Variants in SCN10A observed in about 807,000 individuals in gnomAD.
SCN10A encodes the protein sodium channel protein type 10 subunit alpha.
A neutral mutation model predicts 170.7 loss-of-function variants in SCN10A; 162 were observed. That is an observed-to-expected ratio of 0.95 (90% CI 0.84 to 1.08). The LOEUF is 1.08. Ranked by LOEUF, SCN10A falls within the 50% of genes least tolerant of loss-of-function variation. The pLI is 0.00. For synonymous variants in SCN10A, 985 were observed against 904.6 expected (o/e 1.09, Z -1.59); for missense variants, 2,527 against 2,436.9 (o/e 1.04, Z -0.78).
chr3:38,729,863 A>G (rs895758755), intron 15 of SCN10A, among the ~76,000 whole-genome samples: 2 of 152,192 alleles, frequency 1.3e-5, no homozygotes, highest in African/African-American at 2.4e-5. Flanking sequence ...CATATCCGTG[A>G]GTAAATCCCA....
At chr3:38,794,771 A>C (rs1354634449) in intron 1 of SCN10A, among the ~76,000 whole-genome samples, 2 of 152,202 alleles carry the variant, frequency 1.3e-5, no homozygotes, top group Non-Finnish European at 2.9e-5. Context: ...CCTAGTCAGC[A>C]GTTTCTTCTA....
intron 1 of SCN10A, among the ~76,000 whole-genome samples, chr3:38,813,179 C>A (rs2064451409): frequency 6.6e-6 from 1 of 152,154 alleles, no homozygotes; most frequent in Admixed American, 6.5e-5. Context: ...TCCACCTTAT[C>A]TCCCAAAGGA....
At chr3:38,770,037 G>C (rs192901914) in intron 5 of SCN10A, among the ~76,000 whole-genome samples, 1 of 152,220 alleles carries the variant, frequency 6.6e-6, no homozygotes, top group Non-Finnish European at 1.5e-5. Context: ...TTGAATGCTA[G>C]TTATGTTAGC....
At chr3:38,737,792 CCCTT>C (rs1478599163) in intron 15 of SCN10A, among the ~76,000 whole-genome samples, 8 of 119,636 alleles carry the variant, frequency 6.7e-5, no homozygotes, top group Non-Finnish European at 1.1e-4. Context: ...CTCCCTCCCT[CCCTT>C]CCTCTTTCTT....
At chr3:38,805,930 G>T (rs183309062) in intron 1 of SCN10A, among the ~76,000 whole-genome samples, 104 of 152,264 alleles carry the variant, frequency 6.8e-4, no homozygotes, top group Non-Finnish European at 1.0e-3. Flanking sequence ...GTAATTTACA[G>T]GGCGGACGAA....
At chr3:38,736,793 G>A (rs973455109) in intron 15 of SCN10A, among the ~76,000 whole-genome samples, 1 of 151,342 alleles carries the variant, frequency 6.6e-6, no homozygotes, top group Non-Finnish European at 1.5e-5. Context: ...TTAAATCAGC[G>A]AGGTGGGGAC....
Position 38,723,585 on chromosome 3 carries a change from GTC to G in SCN10A, c.3229-34_3229-33del, listed in dbSNP as rs1426885990. ...GGGAGAAGCCCAGGGCAGTGAACTC[GTC>G]TCTCCGCGGGGCCCGGGGAATTGCA... is the stretch of plus-strand genomic sequence containing the variant. On this transcript the variant is annotated intron_variant, in intron 18 of 27. Transcript: ENST00000449082. The G allele has an allele frequency of 3.2e-6, 5 of 1,557,392 alleles. No homozygotes were observed. In the African/African-American group the frequency reaches 6.8e-5, roughly 21 times the overall value.
At chr3:38,752,638 T>C in intron 11 of SCN10A, 126 bp from the exon 12 acceptor site, 1 of 689,312 alleles carries the variant, frequency 1.5e-6, no homozygotes, top group East Asian at 3.2e-5. Context: ...AGTCACTAAG[T>C]AAAGGCACAA....
intron 4 of SCN10A, among the ~76,000 whole-genome samples, chr3:38,775,678 C>T (rs745762687): frequency 5.3e-5 from 8 of 152,258 alleles, no homozygotes; most frequent in Non-Finnish European, 7.4e-5. Context: ...ATGCTGACAA[C>T]TTACTTATTC....
intron 15 of SCN10A, among the ~76,000 whole-genome samples, chr3:38,731,352 A>G (rs1475947427): frequency 6.6e-6 from 1 of 152,222 alleles, no homozygotes; most frequent in Non-Finnish European, 1.5e-5. Flanking sequence ...TACTTCAGGT[A>G]GATAGAAAGT....
chr3:38,760,061 G>T (rs1335362266), intron 8 of SCN10A, among the ~76,000 whole-genome samples: 1 of 152,160 alleles, frequency 6.6e-6, no homozygotes, highest in Non-Finnish European at 1.5e-5. Context: ...TATAATTCTT[G>T]TCTCTATGTA....
chr3:38,779,039 T>G (rs986182424), intron 4 of SCN10A, among the ~76,000 whole-genome samples: 6 of 151,866 alleles, frequency 4.0e-5, no homozygotes, highest in Non-Finnish European at 7.4e-5. Flanking sequence ...TTTGGCAATA[T>G]CTCAAAAATT....
intron 13 of SCN10A, among the ~76,000 whole-genome samples, 162 bp downstream of exon 13, chr3:38,749,911 T>C (rs2063729436): frequency 6.6e-6 from 1 of 152,192 alleles, no homozygotes. Context: ...AAAAACCACA[T>C]TGATAAAAGA....
At chr3:38,705,695 A>G (rs1330094878) in intron 26 of SCN10A, among the ~76,000 whole-genome samples, 1 of 152,152 alleles carries the variant, frequency 6.6e-6, no homozygotes, top group Non-Finnish European at 1.5e-5. Context: ...GGGATGTCAA[A>G]GAGAGATTGA....
At chr3:38,764,471 G>C (rs892406876) in intron 5 of SCN10A, among the ~76,000 whole-genome samples, 2 of 152,052 alleles carry the variant, frequency 1.3e-5, no homozygotes, top group Non-Finnish European at 2.9e-5. Flanking sequence ...CATGATGCTT[G>C]ACTTTCTATT....
Position 38,712,361 on chromosome 3 carries a change from T to A in SCN10A, c.3889A>T (p.Ile1297Phe). The change falls in exon 23 of 28, where the codon ATC becomes TTC. Residue 1297 changes from isoleucine to phenylalanine, a missense_variant. Physicochemically the swap from Ile to Phe is conservative, Grantham distance 21. Transcript: ENST00000449082. ...CCTGCGAAGAGGTTCACACCCATGA[T>A]GCTGAAGATGAGCCAGAAGATGAGG... ...VCLIFWLIFS[I>F]MGVNLFAGKF... 1.2e-6 allele frequency: 2 copies of A among 1,614,206 alleles called. No homozygotes were observed. The highest frequency in any genetic ancestry group is 8.5e-7 in the Non-Finnish European group (1 of 1,180,032).
intron 8 of SCN10A, among the ~76,000 whole-genome samples, chr3:38,758,265 T>C (rs1417816456): frequency 6.6e-6 from 1 of 152,222 alleles, no homozygotes; most frequent in East Asian, 1.9e-4. Flanking sequence ...CATTTAAAGA[T>C]AGGCTCTTGG....
intron 8 of SCN10A, among the ~76,000 whole-genome samples, chr3:38,757,386 G>A (rs749015876): frequency 2.6e-5 from 4 of 152,178 alleles, no homozygotes; most frequent in Non-Finnish European, 4.4e-5. Context: ...CAGGGGAGTG[G>A]CCTGGGGAAG....
At chr3:38,700,839 C>T (rs948075832) in intron 27 of SCN10A, among the ~76,000 whole-genome samples, 20 of 152,170 alleles carry the variant, frequency 1.3e-4, no homozygotes, top group African/African-American at 4.8e-4. Context: ...CAGGATATAA[C>T]CAATCAAGAT....
Sources: allele counts gnomAD v4.1 joint callset (sites outside exome capture counted in the v4.1 genomes callset), GRCh38; gene constraint gnomAD v4.1.1; transcripts MANE v1.5; gene names NCBI Gene and HGNC (gene_info 2026-07-23, HGNC 2026-07-21).